ACSL6: variants seen among roughly 807,000 people sequenced by gnomAD.
The protein encoded by ACSL6 is long-chain-fatty-acid--CoA ligase 6.
In ACSL6, 47 loss-of-function variants were observed where a neutral mutation model predicts 98.2. The observed-to-expected ratio is 0.48, with a 90% CI of 0.38 to 0.61. ACSL6 has a LOEUF of 0.61. Ranked by LOEUF, ACSL6 falls within the 20% of genes least tolerant of loss-of-function variation. The pLI is 0.00. For synonymous variants in ACSL6, 362 were observed against 336.9 expected (o/e 1.07, Z -0.82); for missense variants, 761 against 913.4 (o/e 0.83, Z 2.15).
intron 9 of ACSL6, among the ~76,000 whole-genome samples, chr5:131,981,230 A>G (rs1396733484): frequency 2.6e-5 from 4 of 151,720 alleles, no homozygotes; most frequent in African/African-American, 9.7e-5. Flanking sequence ...AAACACTTTC[A>G]GGATCTCCAG....
At chr5:131,986,967 A>G (rs1236169250) in intron 7 of ACSL6, 113 bp from the exon 8 acceptor site, 2 of 975,630 alleles carry the variant, frequency 2.0e-6, no homozygotes, top group Non-Finnish European at 3.2e-6. Context: ...ACACACACAC[A>G]CATACCCACA....
Position 131,967,990 on chromosome 5 carries a change from G to A in ACSL6, c.1546C>T (p.Leu516Phe), listed in dbSNP as rs757889354. The A allele has an allele frequency of 1.2e-6, 2 of 1,614,008 alleles. No individual in the cohort carries two copies. Among genetic ancestry groups the A allele is most frequent in the Non-Finnish European group, 1.7e-6 (2 of 1,179,938 alleles). The change falls in exon 16 of 21, where the codon CTC becomes TTC. Residue 516 changes from leucine (L) to phenylalanine (F), a missense_variant. Leu to Phe is a conservative substitution (Grantham distance 22). Transcript: ENST00000651883. ...TAGTTCAGTTCCTCAACATCAACGAGCTTGATATGATTGCAGGGAAGTGGC... is the reference window on the plus strand; with the variant it reads ...TAGTTCAGTTCCTCAACATCAACGAACTTGATATGATTGCAGGGAAGTGGC... ...GAPLPCNHIK[L>F]VDVEELNYWA... is the part of the protein sequence containing the mutation.
chr5:131,977,548 C>T (rs909663314), intron 9 of ACSL6, among the ~76,000 whole-genome samples: 1 of 152,182 alleles, frequency 6.6e-6, no homozygotes, highest in African/African-American at 2.4e-5. Flanking sequence ...GTTTCCTTAC[C>T]TGTAAGATGG....
At chr5:131,967,554 A>G (rs969939706) in intron 16 of ACSL6, among the ~76,000 whole-genome samples, 5 of 151,948 alleles carry the variant, frequency 3.3e-5, no homozygotes, top group African/African-American at 1.2e-4. Flanking sequence ...AGTCCCAGCT[A>G]CTTGGGAGGC....
chr5:131,966,312 T>A, intron 17 of ACSL6, 104 bp downstream of exon 17: 1 of 1,108,878 alleles, frequency 9.0e-7, no homozygotes, highest in Non-Finnish European at 1.4e-6. Context: ...CCTGAATGAC[T>A]CATTGTCAGG....
intron 10 of ACSL6, chr5:131,976,236 T>C (rs914430266): frequency 2.2e-5 from 22 of 985,120 alleles, no homozygotes; most frequent in Middle Eastern, 5.2e-4. Flanking sequence ...CAGACTCTAG[T>C]AGTCCTTAAA....
chr5:132,010,648 A>G (rs1436844151), intron 1 of ACSL6, among the ~76,000 whole-genome samples: 1 of 152,258 alleles, frequency 6.6e-6, no homozygotes, highest in African/African-American at 2.4e-5. Context: ...TTAAGGATCA[A>G]GCACTGCACA....
At position 131,966,417 on chromosome 5, in the gene ACSL6, G is replaced by T. The variant is rs141318736; in HGVS notation, c.1712C>A (p.Pro571Gln). The T allele has an allele frequency of 2.5e-6, 4 of 1,613,834 alleles. No homozygotes were observed. Among genetic ancestry groups the T allele is most frequent in the Non-Finnish European group, 3.4e-6 (4 of 1,179,972 alleles). Reference protein sequence around the residue: ...LHTGDIGKWLPAGTLKIIDRK... With the variant: ...LHTGDIGKWLQAGTLKIIDRK... Reference sequence around the variant, plus strand: ...CTCCGTGGTTCCAAACATACACACCGGCAGCCATTTTCCGATGTCTCCAGT... The same window carrying T: ...CTCCGTGGTTCCAAACATACACACCTGCAGCCATTTTCCGATGTCTCCAGT... The change falls in exon 17 of 21, where the codon CCG becomes CAG. Residue 571 changes from proline to glutamine, a missense_variant and splice_region_variant. Physicochemically the swap from Pro to Gln is moderately conservative, Grantham distance 76. Transcript: ENST00000651883.
In ACSL6 at chr5:131,978,374, C is replaced by T. The variant is rs150391195; in HGVS notation, c.917-1653G>A. Reference sequence around the variant, plus strand: ...AGCAGAGGGAGTTTTAGACGTTTGCCCAAAACCATCTTTCAACTTTCATAG... The same window carrying T: ...AGCAGAGGGAGTTTTAGACGTTTGCTCAAAACCATCTTTCAACTTTCATAG... On this transcript the variant is annotated intron_variant, in intron 9 of 20. Coordinates refer to ENST00000651883, the MANE Select transcript of ACSL6 (RefSeq NM_001009185.3). 4.5e-3 allele frequency among the ~76,000 whole-genome samples: 692 copies of T among 152,254 alleles called. 8 individuals carry two copies. Among genetic ancestry groups the T allele is most frequent in the African/African-American group, 0.016 (656 of 41,542 alleles).
At position 131,954,333 on chromosome 5, in the gene ACSL6, A is replaced by G; in HGVS notation, c.2070T>C (p.Val690=). The change falls in exon 21 of 21, where the codon GTT becomes GTC. Residue 690 remains valine, a synonymous_variant. Coordinates refer to ENST00000651883, the MANE Select transcript of ACSL6 (RefSeq NM_001009185.3). ...AIHIHSDMFS[V]QNGLLTPTLK... Reference sequence around the variant, plus strand: ...GTGTTGGTGTCAGCAAGCCATTTTGAACTGAGAACATGTCAGAATGGATGT... The same window carrying G: ...GTGTTGGTGTCAGCAAGCCATTTTGGACTGAGAACATGTCAGAATGGATGT... 6.2e-7 allele frequency: 1 copy of G among 1,613,994 alleles called. No homozygotes were observed. Among genetic ancestry groups the G allele is most frequent in the Non-Finnish European group, 8.5e-7 (1 of 1,179,956 alleles).
chr5:131,962,481 G>A (rs1752762057), intron 18 of ACSL6, 54 bp downstream of exon 18: 4 of 1,549,004 alleles, frequency 2.6e-6, no homozygotes, highest in South Asian at 2.4e-5. Flanking sequence ...TGTTTAATCT[G>A]GGTTTTTCAG....
intron 12 of ACSL6, 42 bp downstream of exon 12, chr5:131,973,224 T>C (rs757840857): frequency 1.2e-6 from 2 of 1,600,144 alleles, no homozygotes; most frequent in African/African-American, 1.3e-5. Context: ...CAAGCAAATA[T>C]GCAGCCCCTC....
intron 1 of ACSL6, among the ~76,000 whole-genome samples, chr5:132,005,670 A>G (rs1755364779): frequency 6.6e-6 from 1 of 152,228 alleles, no homozygotes; most frequent in Non-Finnish European, 1.5e-5. Context: ...TAAGGCTGGG[A>G]CAGGGGTGCG....
intron 1 of ACSL6, among the ~76,000 whole-genome samples, chr5:131,995,242 C>A (rs1376329655): frequency 6.6e-5 from 10 of 152,152 alleles, no homozygotes; most frequent in Non-Finnish European, 1.3e-4. Context: ...AAGCAGGCCC[C>A]AGGGGCCTGC....
At chr5:131,977,197 G>A (rs1394586644) in intron 9 of ACSL6, among the ~76,000 whole-genome samples, 3 of 152,240 alleles carry the variant, frequency 2.0e-5, no homozygotes, top group South Asian at 4.1e-4. Flanking sequence ...GCTCAGGCCA[G>A]GCTGGAGATC....
In ACSL6 at chr5:131,985,462, CA is replaced by C. The variant is rs1368511591; in HGVS notation, c.865-5del. The C allele has an allele frequency of 6.2e-7, 1 of 1,613,772 alleles. No individual in the cohort carries two copies. The highest frequency in any genetic ancestry group is 8.5e-7 in the Non-Finnish European group (1 of 1,179,982). ...AGAGGTCATCAGGCTGCGGGGGCTG[CA>C]GGGGTGAGAAGAGGAGTGTGTTAGG... On this transcript the variant is annotated splice_region_variant and splice_polypyrimidine_tract_variant and intron_variant, in intron 8 of 20. Transcript: ENST00000651883.
At chr5:131,991,106 G>A (rs948264946) in intron 2 of ACSL6, 139 bp from the exon 3 acceptor site, 34 of 682,066 alleles carry the variant, frequency 5.0e-5, no homozygotes, top group East Asian at 8.1e-5. Context: ...CTGTGTGCCC[G>A]CGTACACATG....
intron 10 of ACSL6, chr5:131,976,322 CA>C: frequency 5.5e-6 from 4 of 724,610 alleles, no homozygotes; most frequent in Non-Finnish European, 6.8e-6. Context: ...AAGGTACACA[CA>C]AAACCATGGG....
chr5:131,994,466 T>A, intron 1 of ACSL6: 1 of 558,996 alleles, frequency 1.8e-6, no homozygotes, highest in Non-Finnish European at 3.2e-6. Context: ...CAGTCAGATG[T>A]CCTGCCCACT....
Sources: allele counts gnomAD v4.1 joint callset (sites outside exome capture counted in the v4.1 genomes callset), GRCh38; gene constraint gnomAD v4.1.1; transcripts MANE v1.5; gene names NCBI Gene and HGNC (gene_info 2026-07-23, HGNC 2026-07-21).